Variants in CFAP251 observed in about 807,000 individuals in gnomAD.
CFAP251 encodes the protein cilia and flagella associated protein 251, also known as cilia- and flagella-associated protein 251.
CFAP251 carries 93 observed loss-of-function variants against 126.7 expected under a neutral mutation model. The ratio of observed to expected loss-of-function variants is 0.73; its 90% CI spans 0.62 to 0.87. The LOEUF (loss-of-function observed/expected upper bound fraction) is 0.87, where lower values mean the gene tolerates loss of function less well. Ranked by LOEUF, CFAP251 falls within the 40% of genes least tolerant of loss-of-function variation. The probability of loss-of-function intolerance (pLI) is 0.00; values close to 1 mark genes in which losing one functional copy is unlikely to be tolerated. For missense variants in CFAP251, 1,287 were observed against 1,389.2 expected (o/e 0.93, Z 1.17); for synonymous variants, 503 against 506.9 (o/e 0.99, Z 0.10).
At chr12:121,971,650 G>A in intron 17 of CFAP251, 2 of 702,576 alleles carry the variant, frequency 2.8e-6, no homozygotes, top group Non-Finnish European at 2.6e-6. Context: ...CAATGGAGGA[G>A]GCAGTGGAGC....
At chr12:121,925,151 A>G (rs1447871503) in intron 3 of CFAP251, among the ~76,000 whole-genome samples, 1 of 152,122 alleles carries the variant, frequency 6.6e-6, no homozygotes, top group Non-Finnish European at 1.5e-5. Context: ...AGAGGGTCCC[A>G]GAGTGGAAGG....
At chr12:121,928,658 GTATATATATACGTATATATA>G (rs1311537540) in intron 3 of CFAP251, among the ~76,000 whole-genome samples, 8 of 26,720 alleles carry the variant, frequency 3.0e-4, no homozygotes, top group Non-Finnish European at 1.4e-3. Context: ...ATATATATAC[GTATATATATACGTATATATA>G]TATATATATA....
intron 19 of CFAP251, among the ~76,000 whole-genome samples, chr12:121,993,978 G>C (rs1324379196): frequency 1.2e-5 from 1 of 80,984 alleles, no homozygotes; most frequent in Non-Finnish European, 3.3e-5. Flanking sequence ...GAGGTGGGGG[G>C]GTCAGCCCCC....
At chr12:121,969,524 C>T (rs1012026594) in intron 17 of CFAP251, 12 of 976,036 alleles carry the variant, frequency 1.2e-5, no homozygotes, top group Middle Eastern at 5.2e-4. Context: ...CTGGCTCAGT[C>T]GCTCAGGCTG....
intron 15 of CFAP251, among the ~76,000 whole-genome samples, chr12:121,963,829 C>T (rs1343379066): frequency 1.3e-5 from 2 of 151,524 alleles, no homozygotes; most frequent in Admixed American, 1.3e-4. Context: ...TAGCCCTGAC[C>T]CCATCCTCTA....
At chr12:121,996,485 CTTTA>C (rs1024463902) in intron 19 of CFAP251, among the ~76,000 whole-genome samples, 23 of 152,176 alleles carry the variant, frequency 1.5e-4, no homozygotes, top group Middle Eastern at 3.4e-3. Flanking sequence ...TTGTTTGTTT[CTTTA>C]TTTATTATAT....
At chr12:122,003,512 G>T (rs571862889) in intron 21 of CFAP251, 140 bp from the exon 22 acceptor site, 6 of 585,500 alleles carry the variant, frequency 1.0e-5, no homozygotes, top group African/African-American at 9.9e-5. Flanking sequence ...GTTCAAGGCT[G>T]CAGTGAGCTA....
In CFAP251 at chr12:121,958,960, G is replaced by A; in HGVS notation, c.1999G>A (p.Gly667Ser). The change falls in exon 13 of 22, where the codon GGC becomes AGC. Residue 667 changes from glycine to serine, a missense_variant. Gly to Ser is a moderately conservative substitution (Grantham distance 56). Transcript: ENST00000288912. ...CATTTCAGGAGCCCTTCTTGGAGCT[G>A]GCTTTACAGAGGGGACAGTTTACAT... The part of the protein sequence containing the change: ...YNPEGALLGA[G>S]FTEGTVYILD... 1 of 1,591,890 alleles carries A rather than the reference G, an allele frequency of 6.3e-7. No individual in the cohort carries two copies. Among genetic ancestry groups the A allele is most frequent in the Admixed American group, 1.9e-5 (1 of 52,830 alleles).
chr12:121,988,311 A>G (rs830123), intron 19 of CFAP251, among the ~76,000 whole-genome samples: 123,823 of 151,806 alleles, frequency 0.82, 50,680 homozygotes, highest in Middle Eastern at 0.86. Flanking sequence ...TCCACCGAGT[A>G]GTGCAGACAT....
At position 121,934,287 on chromosome 12, in the gene CFAP251, A is replaced by G. The variant is rs1880805541; in HGVS notation, c.929A>G (p.Asp310Gly). ...NIISCLCVSEDRRWIATADKG... is the reference protein window; with the variant it reads ...NIISCLCVSEGRRWIATADKG... Reference sequence around the variant, plus strand: ...ATCTCCTGCCTCTGCGTCAGTGAAGACAGGCGGTGGATCGCCACAGCAGAC... The same window carrying G: ...ATCTCCTGCCTCTGCGTCAGTGAAGGCAGGCGGTGGATCGCCACAGCAGAC... Residue 310 changes from aspartate to glycine, a missense_variant, in exon 5 of 22, where the codon GAC (aspartate) becomes GGC (glycine). By Grantham distance (94) the Asp-to-Gly change is moderately conservative. Transcript: ENST00000288912. The G allele has an allele frequency of 6.8e-6, 11 of 1,613,986 alleles. No individual in the cohort carries two copies. The highest frequency in any genetic ancestry group is 9.3e-6 in the Non-Finnish European group (11 of 1,180,028).
intron 3 of CFAP251, among the ~76,000 whole-genome samples, chr12:121,929,378 C>T (rs1055344429): frequency 1.4e-5 from 2 of 143,856 alleles, no homozygotes; most frequent in Non-Finnish European, 3.0e-5. Flanking sequence ...GTACACAGGG[C>T]GCCCACATAT....
rs752585165 is a variant in CFAP251, at chr12:121,975,198, C to T, written c.2772-46C>T. 6.4e-6 allele frequency: 10 copies of T among 1,555,946 alleles called. No homozygotes were observed. The Admixed American group carries it at 1.5e-4, about 23-fold the overall frequency. ...TGCGGACCACCTTCTGAGCCATGCT[C>T]ATGCTTGAGCGCTTTCTAATAGAGA... On this transcript the variant is annotated intron_variant, in intron 17 of 21. Coordinates refer to ENST00000288912, the MANE Select transcript of CFAP251 (RefSeq NM_144668.6).
intron 19 of CFAP251, chr12:121,992,132 C>G (rs1200023280): frequency 1.5e-5 from 13 of 867,528 alleles, no homozygotes; most frequent in Admixed American, 6.2e-5. Context: ...ACCACCAGTG[C>G]GTCTGGGCCG....
At chr12:121,979,563 CTTTTT>C (rs71082922) in intron 19 of CFAP251, among the ~76,000 whole-genome samples, 4 of 84,976 alleles carry the variant, frequency 4.7e-5, no homozygotes, top group Admixed American at 3.0e-4. Flanking sequence ...CTTTCTTCTT[CTTTTT>C]TTTTTTTTTT....
intron 17 of CFAP251, among the ~76,000 whole-genome samples, chr12:121,973,328 C>G (rs1246700353): frequency 6.6e-6 from 1 of 152,236 alleles, no homozygotes; most frequent in Non-Finnish European, 1.5e-5. Flanking sequence ...ATGGAAACAC[C>G]TTGATGCCCA....
intron 13 of CFAP251, among the ~76,000 whole-genome samples, chr12:121,960,133 C>CA (rs372446566): frequency 9.5e-4 from 144 of 151,040 alleles, no homozygotes; most frequent in African/African-American, 2.9e-3. Flanking sequence ...ACTCTTGTCT[C>CA]AAAAAAAACC....
At chr12:121,939,024 G>A (rs1267721520) in intron 5 of CFAP251, among the ~76,000 whole-genome samples, 1 of 151,980 alleles carries the variant, frequency 6.6e-6, no homozygotes, top group African/African-American at 2.4e-5. Flanking sequence ...ACATTTTCAT[G>A]GAAAGCACTG....
chr12:121,924,652 G>C (rs1190783037), intron 3 of CFAP251, among the ~76,000 whole-genome samples: 1 of 147,548 alleles, frequency 6.8e-6, no homozygotes, highest in South Asian at 2.2e-4. Context: ...GGGTGATCTC[G>C]ATCTCTGGAC....
At position 121,995,170 on chromosome 12, in the gene CFAP251, C is replaced by T. The variant is rs552470473; in HGVS notation, c.3007-4546C>T. Among the ~76,000 whole-genome samples, 6 of 152,304 alleles carry T rather than the reference C, an allele frequency of 3.9e-5. 1 individual carries two copies. The East Asian group carries it at 5.8e-4, about 15-fold the overall frequency. ...AGTAACTCACTCAAGGTCATATAGA[C>T]AGAAAATGGCAGAGCCAGAGTTTGA... On this transcript the variant is annotated intron_variant, in intron 19 of 21. Transcript: ENST00000288912.
Sources: allele counts gnomAD v4.1 joint callset (sites outside exome capture counted in the v4.1 genomes callset), GRCh38; gene constraint gnomAD v4.1.1; transcripts MANE v1.5; gene names NCBI Gene and HGNC (gene_info 2026-07-23, HGNC 2026-07-21).